The following KCTD16 variants were observed in gnomAD, a reference collection of about 807,000 sequenced individuals.
KCTD16 encodes BTB/POZ domain-containing protein KCTD16.
KCTD16 carries 13 observed loss-of-function variants against 33.2 expected under a neutral mutation model. The ratio of observed to expected loss-of-function variants is 0.39; its 90% CI spans 0.25 to 0.62. The LOEUF (loss-of-function observed/expected upper bound fraction) is 0.62, where lower values mean the gene tolerates loss of function less well. Ranked by LOEUF, KCTD16 falls within the 20% of genes least tolerant of loss-of-function variation. KCTD16 has a pLI of 0.50. For missense variants in KCTD16, 441 were observed against 525.1 expected (o/e 0.84, Z 1.57); for synonymous variants, 197 against 195.3 (o/e 1.01, Z -0.07).
chr5:144,425,480 T>C (rs1753305688), intron 3 of KCTD16, among the ~76,000 whole-genome samples: 1 of 151,792 alleles, frequency 6.6e-6, no homozygotes, highest in Non-Finnish European at 1.5e-5. Context: ...CCACTAGACA[T>C]TGTCTTCATA....
chr5:144,319,616 T>G (rs549760398), intron 3 of KCTD16, among the ~76,000 whole-genome samples: 1 of 152,242 alleles, frequency 6.6e-6, no homozygotes, highest in East Asian at 1.9e-4. Flanking sequence ...TCTTTTGTCT[T>G]CTCATCAAGA....
chr5:144,210,662 A>G (rs1047888459), intron 3 of KCTD16, among the ~76,000 whole-genome samples: 1 of 152,166 alleles, frequency 6.6e-6, no homozygotes, highest in Non-Finnish European at 1.5e-5. Context: ...CTGATTTTGA[A>G]CTAGATACTC....
intron 3 of KCTD16, among the ~76,000 whole-genome samples, chr5:144,360,638 G>T (rs970352169): frequency 2.0e-5 from 3 of 152,020 alleles, no homozygotes; most frequent in Non-Finnish European, 2.9e-5. Flanking sequence ...CACCATATTG[G>T]CCAGGCTGCT....
chr5:144,299,074 T>TATTTGTATATATATATA (rs1561558226), intron 3 of KCTD16, among the ~76,000 whole-genome samples: 1 of 49,752 alleles, frequency 2.0e-5, no homozygotes, highest in Admixed American at 2.2e-4. Flanking sequence ...ATATATATAT[T>TATTTGTATATATATATA]TTTGTATATA....
At chr5:144,348,864 T>C (rs1303383027) in intron 3 of KCTD16, among the ~76,000 whole-genome samples, 1 of 152,212 alleles carries the variant, frequency 6.6e-6, no homozygotes, top group Admixed American at 6.5e-5. Context: ...GCAGCAATCT[T>C]GACTAATACC....
At chr5:144,190,043 A>G (rs1561523559) in intron 2 of KCTD16, among the ~76,000 whole-genome samples, 1 of 152,318 alleles carries the variant, frequency 6.6e-6, no homozygotes, top group Non-Finnish European at 1.5e-5. Flanking sequence ...AATGAATTAC[A>G]TAAGCACAAA....
At chr5:144,408,719 T>C (rs1752866922) in intron 3 of KCTD16, among the ~76,000 whole-genome samples, 1 of 152,158 alleles carries the variant, frequency 6.6e-6, no homozygotes, top group African/African-American at 2.4e-5. Flanking sequence ...ACTGGGCTCT[T>C]TGAGATATCG....
At chr5:144,391,858 A>G (rs1752456588) in intron 3 of KCTD16, among the ~76,000 whole-genome samples, 1 of 152,212 alleles carries the variant, frequency 6.6e-6, no homozygotes, top group Admixed American at 6.5e-5. Flanking sequence ...GATGATCTTT[A>G]TTAGACATTA....
At chr5:144,237,317 G>A (rs988028191) in intron 3 of KCTD16, among the ~76,000 whole-genome samples, 2 of 152,076 alleles carry the variant, frequency 1.3e-5, no homozygotes, top group Non-Finnish European at 2.9e-5. Flanking sequence ...TGAGGCTGCT[G>A]TCCTTGCTAT....
chr5:144,333,722 G>C (rs749193049), intron 3 of KCTD16, among the ~76,000 whole-genome samples: 1 of 152,172 alleles, frequency 6.6e-6, no homozygotes, highest in Non-Finnish European at 1.5e-5. Flanking sequence ...CAAAGGCAGA[G>C]GAGCAAGAGT....
intron 2 of KCTD16, among the ~76,000 whole-genome samples, chr5:144,183,763 T>C (rs975148464): frequency 6.6e-6 from 1 of 152,196 alleles, no homozygotes; most frequent in African/African-American, 2.4e-5. Flanking sequence ...TAGCAAATGG[T>C]AGGTGCTTAG....
chr5:144,236,475 A>G (rs1580810443), intron 3 of KCTD16, among the ~76,000 whole-genome samples: 1 of 152,148 alleles, frequency 6.6e-6, no homozygotes, highest in Non-Finnish European at 1.5e-5. Context: ...AAAGTTTAGT[A>G]GGGACTCTGT....
chr5:144,451,230 A>G (rs1360354372), intron 3 of KCTD16, among the ~76,000 whole-genome samples: 3 of 152,184 alleles, frequency 2.0e-5, no homozygotes, highest in Non-Finnish European at 2.9e-5. Context: ...TTAATCCAAA[A>G]GACATCTCTA....
intron 3 of KCTD16, among the ~76,000 whole-genome samples, chr5:144,274,716 A>G (rs909672746): frequency 1.3e-5 from 2 of 152,200 alleles, no homozygotes; most frequent in African/African-American, 4.8e-5. Flanking sequence ...GTACCTTTCT[A>G]TTTCCTCCTT....
At chr5:144,276,899 T>C (rs1419783183) in intron 3 of KCTD16, among the ~76,000 whole-genome samples, 1 of 137,524 alleles carries the variant, frequency 7.3e-6, no homozygotes, top group East Asian at 2.1e-4. Flanking sequence ...TGAAACCCTG[T>C]CTAAAAAAAA....
rs915274721 is a variant in KCTD16, at chr5:144,338,973, G to A, written c.832+131427G>A. Among the ~76,000 whole-genome samples, 4 of 152,158 alleles carry A rather than the reference G, an allele frequency of 2.6e-5. No individual in the cohort carries two copies. In the East Asian group the frequency reaches 5.8e-4, roughly 22 times the overall value. ...TTAGCATTGTGCTTTATAATGCACT[G>A]AAGAGAGACTGTCTTAATTTATCCA... On this transcript the variant is annotated intron_variant, in intron 3 of 3. Coordinates refer to ENST00000512467, the MANE Select transcript of KCTD16 (RefSeq NM_020768.4).
chr5:144,220,239 C>T (rs921425778), intron 3 of KCTD16, among the ~76,000 whole-genome samples: 9 of 152,228 alleles, frequency 5.9e-5, no homozygotes, highest in Non-Finnish European at 1.2e-4. Context: ...AAAAGGCCTT[C>T]TGCTGTCGTC....
chr5:144,339,976 A>G (rs1752586331), intron 3 of KCTD16, among the ~76,000 whole-genome samples: 1 of 152,082 alleles, frequency 6.6e-6, no homozygotes, highest in Non-Finnish European at 1.5e-5. Flanking sequence ...AAACAGAATC[A>G]ACTATGGACA....
Position 144,207,483 on chromosome 5 carries a change from T to A in KCTD16, c.769T>A (p.Ser257Thr), listed in dbSNP as rs1240309472. The part of the protein sequence containing the change: ...MVACNSSVTA[S>T]FINQYTDDKI... ...GGCCTGTAACTCATCGGTGACAGCA[T>A]CTTTCATCAACCAATATACAGATGA... Residue 257 changes from serine to threonine, a missense_variant, in exon 3 of 4, where the codon TCT becomes ACT. Physicochemically the swap from Ser to Thr is moderately conservative, Grantham distance 58. Transcript: ENST00000512467. 11 of 1,614,214 alleles carry A rather than the reference T, an allele frequency of 6.8e-6. No individual in the cohort carries two copies. Among genetic ancestry groups the A allele is most frequent in the Non-Finnish European group, 8.5e-6 (10 of 1,180,036 alleles).
Sources: gnomAD v4.1 joint callset for allele counts (sites outside exome capture counted in the v4.1 genomes callset) on GRCh38, gnomAD v4.1.1 for gene constraint, MANE v1.5 for transcripts, NCBI Gene and HGNC (gene_info 2026-07-23, HGNC 2026-07-21) for gene names.